The following MKLN1 variants were observed in gnomAD, a reference collection of about 807,000 sequenced individuals.
The protein encoded by MKLN1 is muskelin.
Under a neutral mutation model 99.0 loss-of-function variants are expected in MKLN1, and 18 were observed. The ratio of observed to expected loss-of-function variants is 0.18; its 90% confidence interval spans 0.13 to 0.27. The LOEUF is 0.27. Among genes scored for constraint, MKLN1 ranks in the 10% least tolerant of loss-of-function variants. The pLI is 1.00. For missense variants in MKLN1, 621 were observed against 875.9 expected (o/e 0.71, Z 3.67); for synonymous variants, 288 against 293.2 (o/e 0.98, Z 0.18).
At chr7:131,270,842 A>C (rs563379035) in intron 3 of MKLN1, among the ~76,000 whole-genome samples, 3 of 151,650 alleles carry the variant, frequency 2.0e-5, no homozygotes, top group South Asian at 2.1e-4. Context: ...ATTTTAAAAA[A>C]TGGATAACCT....
upstream of MKLN1, among the ~76,000 whole-genome samples, chr7:131,326,461 C>T (rs993459859): frequency 6.6e-6 from 1 of 152,174 alleles, no homozygotes; most frequent in Non-Finnish European, 1.5e-5. Flanking sequence ...TCTTGTGCCT[C>T]GGCCTCCCAA....
chr7:131,324,064 T>A (rs1019905873), upstream of MKLN1, among the ~76,000 whole-genome samples: 3 of 152,076 alleles, frequency 2.0e-5, no homozygotes, highest in Non-Finnish European at 2.9e-5. Flanking sequence ...TGAAAAAAAC[T>A]TGACCCAAAC....
intron 3 of MKLN1, chr7:131,310,068 T>C (rs1798539326): frequency 6.6e-6 from 1 of 152,222 alleles, no homozygotes; most frequent in Admixed American, 6.5e-5. Context: ...GTTCCTGAGT[T>C]ATTTACCAAT....
At chr7:131,447,480 G>C (rs1411698845) in intron 12 of MKLN1, among the ~76,000 whole-genome samples, 1 of 152,098 alleles carries the variant, frequency 6.6e-6, no homozygotes, top group Non-Finnish European at 1.5e-5. Context: ...TGAGAGGACT[G>C]CTTGAGCCCA....
At chr7:131,418,467 CA>C (rs1436957563) in intron 8 of MKLN1, among the ~76,000 whole-genome samples, 1 of 151,316 alleles carries the variant, frequency 6.6e-6, no homozygotes, top group Non-Finnish European at 1.5e-5. Context: ...TTGGACCACA[CA>C]TAAAATACAC....
chr7:131,331,691 T>TA (rs1799079800), intron 1 of MKLN1, among the ~76,000 whole-genome samples: 1 of 152,160 alleles, frequency 6.6e-6, no homozygotes, highest in African/African-American at 2.4e-5. Flanking sequence ...TGACTTCTGT[T>TA]ACGAAAGCTG....
chr7:131,125,797 G>A (rs748369384), intron 1 of MKLN1, among the ~76,000 whole-genome samples: 140 of 152,200 alleles, frequency 9.2e-4, no homozygotes, highest in Middle Eastern at 3.4e-3. Flanking sequence ...GAGGTCAGGA[G>A]ATCGAGACCA....
chr7:131,375,514 T>G, intron 2 of MKLN1, 21 bp downstream of exon 2: 1 of 1,476,570 alleles, frequency 6.8e-7, no homozygotes, highest in Non-Finnish European at 9.5e-7. Flanking sequence ...ATGTATCCCT[T>G]AATGCTGTTT....
chr7:131,388,774 A>G lies in MKLN1; in HGVS notation c.312-110A>G, dbSNP rs923805964. 61 of 657,260 alleles carry G rather than the reference A, an allele frequency of 9.3e-5. No individual in the cohort carries two copies. In the East Asian group the frequency reaches 1.7e-3, roughly 19 times the overall value. The allele number at this position is 657,260 out of a possible 1,614,324, so 40.7% of individuals were successfully genotyped here. ...ACTTGTTTATATTGTCTTGGTCATA[A>G]TATTTTGAGCATGAGTTTAAACTTA... On this transcript the variant is annotated intron_variant, in intron 3 of 17. Transcript: ENST00000352689.
At chr7:131,423,921 G>A (rs955881835) in intron 8 of MKLN1, among the ~76,000 whole-genome samples, 1 of 152,208 alleles carries the variant, frequency 6.6e-6, no homozygotes, top group Non-Finnish European at 1.5e-5. Context: ...GATTTAGATA[G>A]TGTTGTAATC....
intron 3 of MKLN1, among the ~76,000 whole-genome samples, chr7:131,258,414 G>A (rs1797688668): frequency 7.3e-6 from 1 of 137,440 alleles, no homozygotes; most frequent in Non-Finnish European, 1.6e-5. Flanking sequence ...TGGAAGTAGT[G>A]GAAAAGATAG....
chr7:131,361,333 CT>C (rs1178055579), intron 1 of MKLN1, among the ~76,000 whole-genome samples: 1 of 148,478 alleles, frequency 6.7e-6, no homozygotes, highest in Non-Finnish European at 1.5e-5. Flanking sequence ...TCTTTATTTT[CT>C]TTTTTCAGTT....
Position 131,388,895 on chromosome 7 carries a change from A to T in MKLN1, c.323A>T (p.Asn108Ile). ...TTTTTTTCCCACAGTGGCTTAAAGA[A>T]TGATTATAACAAAGAAACATTCACC... ...MTELLSSGLK[N>I]DYNKETFTLK... Residue 108 changes from asparagine to isoleucine, a missense_variant, in exon 4 of 18, where the codon AAT (asparagine) becomes ATT (isoleucine). By Grantham distance (149) the Asn-to-Ile change is moderately radical. Around this residue, in one of 8 missense-constraint regions of MKLN1, gnomAD observed 361 missense variants for 540.8 expected, o/e 0.67. Transcript: ENST00000352689. 1 of 1,609,332 alleles carries T rather than the reference A, an allele frequency of 6.2e-7. No homozygotes were observed.
chr7:131,320,423 T>C (rs535258284), intron 3 of MKLN1, among the ~76,000 whole-genome samples: 3 of 152,244 alleles, frequency 2.0e-5, no homozygotes, highest in African/African-American at 7.2e-5. Context: ...TATACAAAAA[T>C]TAACTCAAGA....
At chr7:131,401,994 T>G (rs1190948453) in intron 6 of MKLN1, among the ~76,000 whole-genome samples, 1 of 152,202 alleles carries the variant, frequency 6.6e-6, no homozygotes, top group Non-Finnish European at 1.5e-5. Context: ...TGTGACAGTT[T>G]CTTAAAATAA....
At chr7:131,401,885 C>T (rs561476118) in intron 6 of MKLN1, among the ~76,000 whole-genome samples, 1 of 152,080 alleles carries the variant, frequency 6.6e-6, no homozygotes, top group African/African-American at 2.4e-5. Context: ...ATCATCTGAG[C>T]CTTCAGTGAG....
At chr7:131,249,706 C>T (rs1013767952) in intron 3 of MKLN1, among the ~76,000 whole-genome samples, 1 of 152,140 alleles carries the variant, frequency 6.6e-6, no homozygotes, top group African/African-American at 2.4e-5. Flanking sequence ...AGAAAGGGCC[C>T]TCCAGGTAGA....
At chr7:131,378,081 G>A (rs1031718087) in intron 2 of MKLN1, among the ~76,000 whole-genome samples, 3 of 152,100 alleles carry the variant, frequency 2.0e-5, no homozygotes, top group African/African-American at 7.2e-5. Context: ...CTGCCATGTT[G>A]GATGGAATGG....
At chr7:131,275,876 TACTC>T (rs1311022758) in intron 3 of MKLN1, among the ~76,000 whole-genome samples, 1 of 152,064 alleles carries the variant, frequency 6.6e-6, no homozygotes, top group Non-Finnish European at 1.5e-5. Context: ...GATGTAGACT[TACTC>T]ACCCCGTCAC....
Sources: allele counts gnomAD v4.1 joint callset (sites outside exome capture counted in the v4.1 genomes callset), GRCh38; gene constraint gnomAD v4.1.1; regional missense constraint gnomAD v4.1.1; transcripts MANE v1.5; gene names NCBI Gene and HGNC (gene_info 2026-07-23, HGNC 2026-07-21).